PRKN: variants seen among roughly 807,000 people sequenced by gnomAD.
PRKN encodes E3 ubiquitin-protein ligase parkin.
In PRKN, 56 loss-of-function variants were observed where a neutral mutation model predicts 59.5. The observed-to-expected ratio is 0.94, with a 90% CI of 0.76 to 1.18. PRKN has a LOEUF of 1.18. PRKN is among the 50% of genes most tolerant of loss of function. The probability of loss-of-function intolerance (pLI) is 0.00; values close to 1 mark genes in which losing one functional copy is unlikely to be tolerated. For synonymous variants in PRKN, 250 were observed against 222.1 expected (o/e 1.13, Z -1.12); for missense variants, 657 against 596.4 (o/e 1.10, Z -1.06).
chr6:161,706,224 C>T (rs1786486496), intron 7 of PRKN, among the ~76,000 whole-genome samples: 1 of 152,200 alleles, frequency 6.6e-6, no homozygotes. Flanking sequence ...GGGATATCAT[C>T]TGAAGAAGCC....
At chr6:162,059,639 C>T (rs2128287145) in intron 4 of PRKN, among the ~76,000 whole-genome samples, 1 of 152,260 alleles carries the variant, frequency 6.6e-6, no homozygotes, top group African/African-American at 2.4e-5. Flanking sequence ...ATTAGAGAAG[C>T]AAAACCACTA....
intron 7 of PRKN, among the ~76,000 whole-genome samples, chr6:161,744,139 T>C (rs988857515): frequency 2.6e-5 from 4 of 152,128 alleles, no homozygotes; most frequent in Non-Finnish European, 5.9e-5. Context: ...ATTCACTCTA[T>C]AACTCAGCTT....
chr6:161,912,991 A>C (rs1778422783), intron 6 of PRKN, among the ~76,000 whole-genome samples: 1 of 152,118 alleles, frequency 6.6e-6, no homozygotes, highest in African/African-American at 2.4e-5. Context: ...AGCCTGGCCA[A>C]CATGGTGAAA....
chr6:161,524,713 T>C (rs778028459), intron 9 of PRKN, among the ~76,000 whole-genome samples: 7 of 152,080 alleles, frequency 4.6e-5, no homozygotes, highest in Admixed American at 6.6e-5. Flanking sequence ...ATTTATCAAA[T>C]ACTAAACAAA....
intron 7 of PRKN, among the ~76,000 whole-genome samples, chr6:161,632,815 T>C (rs1217477482): frequency 2.0e-5 from 3 of 152,124 alleles, no homozygotes; most frequent in Non-Finnish European, 2.9e-5. Flanking sequence ...GGATACCCCT[T>C]ATAAAACCAA....
chr6:161,753,497 C>T (rs186733368), intron 7 of PRKN, among the ~76,000 whole-genome samples: 4 of 152,238 alleles, frequency 2.6e-5, no homozygotes, highest in Admixed American at 1.3e-4. Flanking sequence ...AGAAGCAGTA[C>T]GAAGAAGGAT....
At chr6:161,624,241 T>C (rs1487903228) in intron 7 of PRKN, among the ~76,000 whole-genome samples, 1 of 152,230 alleles carries the variant, frequency 6.6e-6, no homozygotes, top group East Asian at 1.9e-4. Flanking sequence ...AATTCATTAG[T>C]GGCGCCAAAA....
In PRKN at chr6:161,359,481, G is replaced by A. The variant is rs560895088; in HGVS notation, c.1285+607C>T. Among the ~76,000 whole-genome samples the A allele has an allele frequency of 9.9e-5, 15 of 152,262 alleles. No individual in the cohort carries two copies. In the East Asian group the frequency reaches 2.1e-3, roughly 22 times the overall value. On this transcript the variant is annotated intron_variant, in intron 11 of 11. Transcript: ENST00000366898. This position sits in a 1 kb window ranked among gnomAD's most constrained non-coding sequence, Gnocchi z 5.4. The stretch of plus-strand genomic sequence containing the variant: ...GTCATTGCTCATCTGTGATGGTGCC[G>A]CTGACTCTGCCTTGCACACGTACAA...
Position 162,380,735 on chromosome 6 carries a change from A to T in PRKN, c.171+62575T>A, listed in dbSNP as rs144851655. Among the ~76,000 whole-genome samples, 651 of 152,012 alleles carry T rather than the reference A, an allele frequency of 4.3e-3. 7 individuals carry two copies. Among genetic ancestry groups the T allele is most frequent in the African/African-American group, 0.015 (623 of 41,486 alleles). On this transcript the variant is annotated intron_variant, in intron 2 of 11. Transcript: ENST00000366898. ...AATGCTCTCTACTGTTTAAAAAAAAACCTTGAAAAATTCCACCTTGCAGCA... is the reference window on the plus strand; with the variant it reads ...AATGCTCTCTACTGTTTAAAAAAAATCCTTGAAAAATTCCACCTTGCAGCA...
intron 7 of PRKN, among the ~76,000 whole-genome samples, chr6:161,662,284 G>A (rs1334399534): frequency 6.6e-6 from 1 of 152,166 alleles, no homozygotes; most frequent in Non-Finnish European, 1.5e-5. Context: ...TGACCTGGAT[G>A]CAGACAGTCG....
In PRKN at chr6:161,459,947, A is replaced by T. The variant is rs1790130248; in HGVS notation, c.1084-73070T>A. On this transcript the variant is annotated intron_variant, in intron 9 of 11. Transcript: ENST00000366898. The surrounding 1 kb of genome is among the most constrained non-coding windows in gnomAD (Gnocchi z 4.8). ...AGAAAATGGCTGTTGATATTTTGTA[A>T]AAAAAAAAATCTATTTATCCATCAA... 6.8e-6 allele frequency among the ~76,000 whole-genome samples: 1 copy of T among 147,348 alleles called. No individual in the cohort carries two copies. The highest frequency in any genetic ancestry group is 6.7e-5 in the Admixed American group (1 of 14,892).
intron 2 of PRKN, among the ~76,000 whole-genome samples, chr6:162,338,253 C>T (rs1232005439): frequency 4.0e-5 from 6 of 151,688 alleles, no homozygotes; most frequent in South Asian, 2.1e-4. Flanking sequence ...TGTTCTCTCC[C>T]TCTCCCTCTC....
intron 1 of PRKN, among the ~76,000 whole-genome samples, chr6:162,547,873 TG>T (rs748562302): frequency 6.6e-5 from 10 of 152,180 alleles, no homozygotes; most frequent in Non-Finnish European, 1.0e-4. Flanking sequence ...TGAGCCACCG[TG>T]CCTGGCCAAC....
intron 2 of PRKN, among the ~76,000 whole-genome samples, chr6:162,305,180 T>C (rs1356231732): frequency 2.0e-5 from 3 of 152,000 alleles, no homozygotes; most frequent in Admixed American, 6.6e-5. Context: ...TCTTAGAGTA[T>C]AGAAAATAAA....
chr6:162,313,050 G>A (rs1465671568), intron 2 of PRKN, among the ~76,000 whole-genome samples: 1 of 152,028 alleles, frequency 6.6e-6, no homozygotes, highest in Non-Finnish European at 1.5e-5. Flanking sequence ...AATTATTCAT[G>A]CAATCAAATG....
chr6:161,892,656 C>A (rs569602037), intron 6 of PRKN, among the ~76,000 whole-genome samples: 1 of 152,220 alleles, frequency 6.6e-6, no homozygotes, highest in Admixed American at 6.5e-5. Flanking sequence ...GGAGGATCTC[C>A]TGAGCGCATG....
chr6:162,229,466 C>T (rs1482459835), intron 3 of PRKN, among the ~76,000 whole-genome samples: 1 of 152,224 alleles, frequency 6.6e-6, no homozygotes, highest in Non-Finnish European at 1.5e-5. Context: ...TCCATTTCAG[C>T]CTGCCTGAGC....
At chr6:161,774,382 GCACACACA>G (rs3220723) in intron 7 of PRKN, among the ~76,000 whole-genome samples, 34,723 of 129,924 alleles carry the variant, frequency 0.27, 4,692 homozygotes, top group South Asian at 0.37. Flanking sequence ...TACTCCCTGA[GCACACACA>G]CACACACACA....
chr6:162,622,439 C>T (rs1782715316), intron 1 of PRKN, among the ~76,000 whole-genome samples: 1 of 152,086 alleles, frequency 6.6e-6, no homozygotes, highest in Non-Finnish European at 1.5e-5. Flanking sequence ...CCACCTTGGC[C>T]TTTCAAAGTG....
Sources: gnomAD v4.1 joint callset for allele counts (sites outside exome capture counted in the v4.1 genomes callset) on GRCh38, gnomAD v4.1.1 for gene constraint, Gnocchi (gnomAD v3.1) non-coding constraint, MANE v1.5 for transcripts, NCBI Gene and HGNC (gene_info 2026-07-23, HGNC 2026-07-21) for gene names.